Variants in RARS1 observed in about 807,000 individuals in gnomAD.
The protein encoded by RARS1 is arginyl-tRNA synthetase 1, also known as arginine--tRNA ligase, cytoplasmic.
A neutral mutation model predicts 78.7 loss-of-function variants in RARS1; 75 were observed. The ratio of observed to expected loss-of-function variants is 0.95; its 90% CI spans 0.79 to 1.15. The LOEUF (loss-of-function observed/expected upper bound fraction) is 1.15, where lower values mean the gene tolerates loss of function less well. RARS1 is among the 50% of genes most tolerant of loss of function. RARS1 has a pLI of 0.00. For missense variants in RARS1, 787 were observed against 787.5 expected, an observed-to-expected ratio of 1.00 and a Z score of 0.01; for synonymous variants, 273 against 268.2, an observed-to-expected ratio of 1.02 and a Z score of -0.18.
intron 1 of RARS1, chr5:168,488,222 G>A (rs934660936): frequency 5.3e-6 from 2 of 379,268 alleles, no homozygotes; most frequent in Non-Finnish European, 1.1e-5. Flanking sequence ...CAGCCTCTGG[G>A]ATTCAGGCAA....
In RARS1 at chr5:168,494,029, T is replaced by G. The variant is rs1351123602; in HGVS notation, c.478+27T>G. The stretch of plus-strand genomic sequence containing the variant: ...TATGACATAATGTTATCCTTCTTAA[T>G]AGTTGTATTGAACATGAGTCCTTTT... On this transcript the variant is annotated intron_variant, in intron 4 of 14. Coordinates refer to ENST00000231572, the MANE Select transcript of RARS1 (RefSeq NM_002887.4). 1.9e-6 allele frequency: 3 copies of G among 1,549,772 alleles called. No individual in the cohort carries two copies. The Admixed American group carries it at 5.2e-5, about 27-fold the overall frequency.
At chr5:168,495,819 T>C (rs921745410) in intron 6 of RARS1, among the ~76,000 whole-genome samples, 6 of 152,076 alleles carry the variant, frequency 3.9e-5, no homozygotes, top group African/African-American at 1.4e-4. Flanking sequence ...ACTGGGAAGC[T>C]ATTAGAGAGT....
chr5:168,501,866 A>G lies in RARS1; in HGVS notation c.953-135A>G, dbSNP rs1476965134. Reference sequence around the variant, plus strand: ...TGACAGCATGTATATAATGTTCTATATCATACATTTTTTATGTAATTAATT... The same window carrying G: ...TGACAGCATGTATATAATGTTCTATGTCATACATTTTTTATGTAATTAATT... On this transcript the variant is annotated intron_variant, in intron 8 of 14. Transcript: ENST00000231572. The G allele has an allele frequency of 3.0e-6, 4 of 1,325,950 alleles. No homozygotes were observed. The African/African-American group carries it at 4.5e-5, about 15-fold the overall frequency. The allele number at this position is 1,325,950 out of a possible 1,614,324, so 82.1% of individuals were successfully genotyped here.
intron 14 of RARS1, 25 bp downstream of exon 14, chr5:168,518,087 T>TTTTTTTTTA: frequency 2.8e-6 from 4 of 1,433,728 alleles, no homozygotes; most frequent in Non-Finnish European, 3.6e-6. Flanking sequence ...TTTTTTTTTT[T>TTTTTTTTTA]TTTTTTTTAG....
intron 12 of RARS1, among the ~76,000 whole-genome samples, chr5:168,514,737 C>T (rs1758629921): frequency 1.3e-5 from 2 of 152,186 alleles, no homozygotes; most frequent in South Asian, 4.1e-4. Flanking sequence ...CAGTTGGTCT[C>T]ACTAATGACC....
chr5:168,502,627 A>G (rs1202292289), intron 9 of RARS1, among the ~76,000 whole-genome samples: 1 of 142,440 alleles, frequency 7.0e-6, no homozygotes, highest in Non-Finnish European at 1.5e-5. Context: ...GCTGGAGTGC[A>G]GTGGCGTGAT....
rs773790193 is a variant in RARS1 at position 168,516,820 on chromosome 5, G to C, written c.1495G>C (p.Ala499Pro). 1.2e-6 allele frequency: 2 copies of C among 1,614,114 alleles called. No homozygotes were observed. Among genetic ancestry groups the C allele is most frequent in the South Asian group, 1.1e-5 (1 of 91,084 alleles). ...EELNAAQTSVAYGCIKYADLS... is the reference protein window; with the variant it reads ...EELNAAQTSVPYGCIKYADLS... ...ATTGAATGCTGCTCAGACATCCGTT[G>C]CGTATGGCTGCATCAAATATGCTGA... The change falls in exon 13 of 15, where the codon GCG becomes CCG. Residue 499 changes from alanine (A) to proline (P), a missense_variant. Transcript: ENST00000231572.
intron 11 of RARS1, 53 bp from the exon 12 acceptor site, chr5:168,510,528 T>C (rs1333815493): frequency 3.0e-5 from 41 of 1,355,104 alleles, no homozygotes; most frequent in Non-Finnish European, 3.2e-5. Flanking sequence ...TTCAAAGATT[T>C]CTAAGTTGAA....
chr5:168,504,085 CGA>C (rs771935583), intron 9 of RARS1, among the ~76,000 whole-genome samples: 10 of 142,340 alleles, frequency 7.0e-5, no homozygotes, highest in Non-Finnish European at 1.1e-4. Flanking sequence ...AAAAGAATAA[CGA>C]GAGAGAGAGA....
intron 12 of RARS1, among the ~76,000 whole-genome samples, chr5:168,513,204 C>A (rs1213873792): frequency 4.0e-5 from 6 of 150,802 alleles, no homozygotes; most frequent in African/African-American, 1.5e-4. Context: ...CACCATCACG[C>A]CCTGCTAATT....
intron 1 of RARS1, among the ~76,000 whole-genome samples, chr5:168,487,398 T>A (rs1757993619): frequency 6.6e-6 from 1 of 151,792 alleles, no homozygotes; most frequent in Non-Finnish European, 1.5e-5. Flanking sequence ...GCGGAACAGT[T>A]CCATTACCTT....
At chr5:168,497,180 C>T in intron 6 of RARS1, 48 bp from the exon 7 acceptor site, 1 of 1,306,658 alleles carries the variant, frequency 7.7e-7, no homozygotes. Context: ...TTAACTTAAC[C>T]ATCTTTATTA....
intron 12 of RARS1, among the ~76,000 whole-genome samples, chr5:168,512,611 G>C (rs1374921951): frequency 6.6e-6 from 1 of 152,192 alleles, no homozygotes; most frequent in Non-Finnish European, 1.5e-5. Flanking sequence ...AGAGCAAGGA[G>C]AGCCAGTCTG....
chr5:168,498,623 T>G (rs915567889), intron 7 of RARS1, among the ~76,000 whole-genome samples: 2 of 152,222 alleles, frequency 1.3e-5, no homozygotes, highest in African/African-American at 4.8e-5. Context: ...TTTAGAGGTG[T>G]TGTTATTCAG....
chr5:168,502,384 A>ATATATTTTTTTTTTTTT (rs1280220276), intron 9 of RARS1, among the ~76,000 whole-genome samples: 1 of 127,246 alleles, frequency 7.9e-6, no homozygotes, highest in African/African-American at 3.2e-5. Flanking sequence ...ATATATATAT[A>ATATATTTTTTTTTTTTT]TTTTTTTTTT....
chr5:168,497,714 T>A (rs1243782879), intron 7 of RARS1, among the ~76,000 whole-genome samples: 1 of 152,148 alleles, frequency 6.6e-6, no homozygotes, highest in Non-Finnish European at 1.5e-5. Flanking sequence ...CCCTTTCGTT[T>A]AGTTTACCTA....
chr5:168,497,631 A>G (rs762289639), intron 7 of RARS1, among the ~76,000 whole-genome samples: 2 of 151,968 alleles, frequency 1.3e-5, no homozygotes, highest in Non-Finnish European at 2.9e-5. Context: ...AGGGAGTTTT[A>G]TTTATGGTGG....
At chr5:168,504,854 G>A (rs566172528) in intron 9 of RARS1, among the ~76,000 whole-genome samples, 24 of 152,012 alleles carry the variant, frequency 1.6e-4, no homozygotes, top group East Asian at 5.8e-4. Flanking sequence ...AGGCGTGATC[G>A]TGCATGCCTG....
intron 9 of RARS1, among the ~76,000 whole-genome samples, chr5:168,503,982 GCC>G (rs1341087635): frequency 6.6e-6 from 1 of 151,370 alleles, no homozygotes; most frequent in Non-Finnish European, 1.5e-5. Context: ...CTATGCTTGA[GCC>G]CAGGCATTTG....
Sources: gnomAD v4.1 joint callset for allele counts (sites outside exome capture counted in the v4.1 genomes callset) on GRCh38, gnomAD v4.1.1 for gene constraint, MANE v1.5 for transcripts, NCBI Gene and HGNC (gene_info 2026-07-23, HGNC 2026-07-21) for gene names.